The following PRKD1 variants were observed in gnomAD, a reference collection of about 807,000 sequenced individuals.
PRKD1 encodes serine/threonine-protein kinase D1.
A neutral mutation model predicts 95.9 loss-of-function variants in PRKD1; 63 were observed. The observed-to-expected ratio is 0.66, with a 90% CI of 0.54 to 0.81. The LOEUF is 0.81. PRKD1 is among the 30% of genes least tolerant of loss of function. The pLI, the probability that PRKD1 is intolerant of heterozygous loss-of-function variation, is 0.00. For missense variants in PRKD1, 1,048 were observed against 1,165.3 expected (o/e 0.90, Z 1.47); for synonymous variants, 425 against 423.1 (o/e 1.00, Z -0.05).
chr14:29,702,799 T>C (rs543361411), intron 2 of PRKD1, among the ~76,000 whole-genome samples: 1 of 152,314 alleles, frequency 6.6e-6, no homozygotes, highest in Admixed American at 6.5e-5. Context: ...TTTAAGGGTA[T>C]TGATTTTCTT....
At chr14:29,897,776 T>A (rs1007319793) in intron 1 of PRKD1, among the ~76,000 whole-genome samples, 1 of 152,128 alleles carries the variant, frequency 6.6e-6, no homozygotes, top group African/African-American at 2.4e-5. Flanking sequence ...CCATACAATC[T>A]CATAGTATTT....
At position 29,885,088 on chromosome 14, in the gene PRKD1, A is replaced by C. The variant is rs139081433; in HGVS notation, c.264+42161T>G. Among the ~76,000 whole-genome samples, 170 of 146,950 alleles carry C rather than the reference A, an allele frequency of 1.2e-3. 1 individual carries two copies. Among genetic ancestry groups the C allele is most frequent in the African/African-American group, 3.9e-3 (154 of 39,358 alleles). Reference sequence around the variant, plus strand: ...CAGTGAGCCGAGATCGCACCACTGCACTCCCCCCTGGGCAACAGAGCGAGA... The same window carrying C: ...CAGTGAGCCGAGATCGCACCACTGCCCTCCCCCCTGGGCAACAGAGCGAGA... On this transcript the variant is annotated intron_variant, in intron 1 of 17. Coordinates refer to ENST00000331968, the MANE Select transcript of PRKD1 (RefSeq NM_002742.3).
intron 1 of PRKD1, among the ~76,000 whole-genome samples, chr14:29,832,350 C>T (rs1028694491): frequency 2.0e-5 from 3 of 152,114 alleles, no homozygotes; most frequent in Admixed American, 1.3e-4. Flanking sequence ...TTTAGATTTC[C>T]TTTTCTTTAA....
At chr14:29,887,476 C>T (rs1363298238) in intron 1 of PRKD1, among the ~76,000 whole-genome samples, 1 of 152,104 alleles carries the variant, frequency 6.6e-6, no homozygotes, top group Non-Finnish European at 1.5e-5. Flanking sequence ...AGCAAGAATA[C>T]TATGGAAAAA....
Position 29,577,422 on chromosome 14 carries a change from T to C in PRKD1, c.2555A>G (p.Glu852Gly), listed in dbSNP as rs1248109477. 9.9e-6 allele frequency: 16 copies of C among 1,613,750 alleles called. No individual in the cohort carries two copies. Among genetic ancestry groups the C allele is most frequent in the East Asian group, 2.2e-5 (1 of 44,868 alleles). Residue 852 changes from glutamate (E) to glycine (G), a missense_variant, in exon 18 of 18, where the codon GAA becomes GGA. Physicochemically the swap from Glu to Gly is moderately conservative, Grantham distance 98. Coordinates refer to ENST00000331968, the MANE Select transcript of PRKD1 (RefSeq NM_002742.3). ...YQTWLDLREL[E>G]CKIGERYITH... ...GATGTAGCGCTCCCCGATTTTGCAT[T>C]CCAGCTCTCGCAAATCTAACCAGGT...
intron 16 of PRKD1, among the ~76,000 whole-genome samples, chr14:29,597,069 C>A (rs1893333223): frequency 6.6e-6 from 1 of 151,938 alleles, no homozygotes; most frequent in Non-Finnish European, 1.5e-5. Flanking sequence ...CAAAGAAAAC[C>A]AGTAGACAAA....
At chr14:29,896,862 GA>G in intron 1 of PRKD1, among the ~76,000 whole-genome samples, 1 of 152,184 alleles carries the variant, frequency 6.6e-6, no homozygotes, top group East Asian at 1.9e-4. Context: ...TAGGTGGGTA[GA>G]AAGGATATGG....
intron 16 of PRKD1, among the ~76,000 whole-genome samples, chr14:29,596,689 G>A (rs566518442): frequency 1.3e-5 from 2 of 152,166 alleles, no homozygotes; most frequent in African/African-American, 4.8e-5. Context: ...CTCTGACCTC[G>A]TGATCCACAC....
At chr14:29,727,293 T>C (rs1886206814) in intron 1 of PRKD1, among the ~76,000 whole-genome samples, 1 of 152,198 alleles carries the variant, frequency 6.6e-6, no homozygotes, top group Admixed American at 6.5e-5. Flanking sequence ...TTCCGGATAT[T>C]AGCCCTTTGT....
chr14:29,788,334 T>C (rs1011107169), intron 1 of PRKD1, among the ~76,000 whole-genome samples: 12 of 152,196 alleles, frequency 7.9e-5, no homozygotes, highest in African/African-American at 2.9e-4. Context: ...TTTCTATTGC[T>C]GTTTTTAGAA....
intron 1 of PRKD1, among the ~76,000 whole-genome samples, chr14:29,758,585 C>T (rs938412887): frequency 3.9e-5 from 6 of 152,090 alleles, no homozygotes; most frequent in Non-Finnish European, 5.9e-5. Context: ...AATATCAGGA[C>T]GTATTTATAT....
intron 1 of PRKD1, among the ~76,000 whole-genome samples, chr14:29,785,878 CAAAA>C (rs1391974847): frequency 8.4e-6 from 1 of 118,498 alleles, no homozygotes; most frequent in South Asian, 2.7e-4. Flanking sequence ...GTGGGGCTGT[CAAAA>C]AAAAAAAAAG....
chr14:29,682,898 G>A (rs904782947), intron 2 of PRKD1, among the ~76,000 whole-genome samples: 3 of 152,216 alleles, frequency 2.0e-5, no homozygotes, highest in Non-Finnish European at 2.9e-5. Flanking sequence ...AGGAGTGTCA[G>A]TCATTCAGTT....
At chr14:29,893,305 TAAA>T (rs1237655381) in intron 1 of PRKD1, among the ~76,000 whole-genome samples, 1 of 151,946 alleles carries the variant, frequency 6.6e-6, no homozygotes, top group Non-Finnish European at 1.5e-5. Flanking sequence ...GTTGAAAATT[TAAA>T]AATAAAGATG....
intron 2 of PRKD1, among the ~76,000 whole-genome samples, chr14:29,722,793 G>A (rs1417138046): frequency 6.6e-6 from 1 of 152,188 alleles, no homozygotes; most frequent in African/African-American, 2.4e-5. Flanking sequence ...AGGTATTGCA[G>A]GCCCTGCCCG....
At chr14:29,626,230 G>A (rs975953566) in intron 12 of PRKD1, among the ~76,000 whole-genome samples, 1 of 152,088 alleles carries the variant, frequency 6.6e-6, no homozygotes, top group Non-Finnish European at 1.5e-5. Flanking sequence ...AGTACTGTGT[G>A]TACAGTTTGC....
chr14:29,885,902 G>A (rs139482845), intron 1 of PRKD1, among the ~76,000 whole-genome samples: 5,263 of 151,874 alleles, frequency 0.035, 114 homozygotes, highest in East Asian at 0.06. Context: ...AGGAGGTGGA[G>A]GTTGCAGGGA....
At chr14:29,810,656 C>T (rs550133980) in intron 1 of PRKD1, among the ~76,000 whole-genome samples, 1 of 152,256 alleles carries the variant, frequency 6.6e-6, no homozygotes, top group South Asian at 2.1e-4. Flanking sequence ...TTTAAAAATA[C>T]ACTTCATTGG....
chr14:29,816,271 T>A (rs184231082), intron 1 of PRKD1, among the ~76,000 whole-genome samples: 1 of 152,156 alleles, frequency 6.6e-6, no homozygotes, highest in South Asian at 2.1e-4. Flanking sequence ...CAATAGCTCA[T>A]TAAAACTCTT....
Sources: allele counts gnomAD v4.1 joint callset (sites outside exome capture counted in the v4.1 genomes callset), GRCh38; gene constraint gnomAD v4.1.1; transcripts MANE v1.5; gene names NCBI Gene and HGNC (gene_info 2026-07-23, HGNC 2026-07-21).